The following DZIP3 variants were observed in gnomAD, a reference collection of about 807,000 sequenced individuals.
DZIP3 encodes E3 ubiquitin-protein ligase DZIP3.
In DZIP3, 118 loss-of-function variants were observed where a neutral mutation model predicts 162.0. The ratio of observed to expected loss-of-function variants is 0.73; its 90% CI spans 0.63 to 0.85. DZIP3 has a LOEUF of 0.85. DZIP3 is among the 40% of genes least tolerant of loss of function. The pLI, the probability that DZIP3 is intolerant of heterozygous loss-of-function variation, is 0.00. For synonymous variants in DZIP3, 438 were observed against 458.6 expected (o/e 0.96, Z 0.57); for missense variants, 1,331 against 1,407.0 (o/e 0.95, Z 0.86).
chr3:108,606,659 G>A (rs1940396031), intron 2 of DZIP3, among the ~76,000 whole-genome samples: 1 of 152,116 alleles, frequency 6.6e-6, no homozygotes, highest in Admixed American at 6.6e-5. Context: ...TGAGGAAATA[G>A]CAAGAAAAAA....
intron 12 of DZIP3, among the ~76,000 whole-genome samples, chr3:108,641,106 T>TA (rs1180588007): frequency 4.6e-5 from 7 of 152,228 alleles, no homozygotes; most frequent in African/African-American, 1.7e-4. Flanking sequence ...CTTGAGGACT[T>TA]ACAATACATA....
At chr3:108,597,029 C>G (rs1442287940) in intron 1 of DZIP3, among the ~76,000 whole-genome samples, 6 of 152,118 alleles carry the variant, frequency 3.9e-5, no homozygotes, top group African/African-American at 1.4e-4. Context: ...TCTGATTCTA[C>G]CCCTTATGCA....
chr3:108,620,412 C>A (rs1941269714), intron 5 of DZIP3, among the ~76,000 whole-genome samples: 1 of 152,188 alleles, frequency 6.6e-6, no homozygotes, highest in Admixed American at 6.5e-5. Context: ...AATTCAAGTT[C>A]CCAGACATCA....
chr3:108,636,060 A>G (rs1195146366), intron 10 of DZIP3, among the ~76,000 whole-genome samples: 2 of 151,938 alleles, frequency 1.3e-5, no homozygotes, highest in African/African-American at 4.8e-5. Context: ...AACAGATAAA[A>G]CAGAGGAACT....
Sources: gnomAD v4.1 joint callset for allele counts (sites outside exome capture counted in the v4.1 genomes callset) on GRCh38, gnomAD v4.1.1 for gene constraint, MANE v1.5 for transcripts, NCBI Gene and HGNC (gene_info 2026-07-23, HGNC 2026-07-21) for gene names.